Variants in NCOR2 observed in about 807,000 individuals in gnomAD.
NCOR2 encodes the protein CTG repeat protein 26.
A neutral mutation model predicts 262.9 loss-of-function variants in NCOR2; 81 were observed. The observed-to-expected ratio is 0.31, with a 90% CI of 0.26 to 0.37. NCOR2 has a LOEUF of 0.37. Among genes scored for constraint, NCOR2 ranks in the 10% least tolerant of loss-of-function variants. NCOR2 has a pLI of 1.00. For synonymous variants in NCOR2, 1,659 were observed against 1,559.3 expected, an observed-to-expected ratio of 1.06 and a Z score of -1.51; for missense variants, 3,385 against 3,621.4, an observed-to-expected ratio of 0.93 and a Z score of 1.68.
At chr12:124,433,871 C>CAAACACAA in intron 8 of NCOR2, among the ~76,000 whole-genome samples, 1 of 28,244 alleles carries the variant, frequency 3.5e-5, no homozygotes. Flanking sequence ...CACACACACA[C>CAAACACAA]ACACACACAC....
At chr12:124,512,923 C>T (rs2049490095) in intron 1 of NCOR2, among the ~76,000 whole-genome samples, 1 of 152,202 alleles carries the variant, frequency 6.6e-6, no homozygotes, top group Non-Finnish European at 1.5e-5. Context: ...AGCAGCTCAT[C>T]GAGGGGGACC....
At chr12:124,360,600 C>T (rs1425417267) in intron 22 of NCOR2, among the ~76,000 whole-genome samples, 2 of 152,228 alleles carry the variant, frequency 1.3e-5, no homozygotes, top group Non-Finnish European at 2.9e-5. Context: ...AATCCACTGC[C>T]CGCTGTGGCC....
rs2227277 is a variant in NCOR2, at chr12:124,336,870, C to T, written c.5998G>A (p.Ala2000Thr). The T allele has an allele frequency of 0.046, 73,416 of 1,610,376 alleles. 2,177 individuals carry two copies. Among genetic ancestry groups the T allele is most frequent in the South Asian group, 0.12 (11,271 of 90,874 alleles). ...GGGTCCGGGCTGGCGTGGTGAGGTG[C>T]GAGGTTCTTCGCAGGGGTGCGGGCG... The change falls in exon 38 of 47, where the codon GCA (alanine) becomes ACA (threonine). Residue 2000 changes from alanine to threonine, a missense_variant. Transcript: ENST00000405201.
At chr12:124,422,362 G>T in intron 12 of NCOR2, 139 bp downstream of exon 14, 2 of 938,946 alleles carry the variant, frequency 2.1e-6, no homozygotes. Flanking sequence ...GAGGGAGGGA[G>T]GAGGGGAGCA....
rs1488857438 is a variant in NCOR2, at chr12:124,350,581, A to G, written c.3844+6T>C. ...GTCCTGGGCCTCCTCTCCTCCTGCG[A>G]CTCACCCTCATAGGACAAGACGTGG... On this transcript the variant is annotated splice_donor_region_variant and intron_variant, in intron 28 of 46. Transcript: ENST00000405201. 6.2e-7 allele frequency: 1 copy of G among 1,610,916 alleles called. No individual in the cohort carries two copies. Among genetic ancestry groups the G allele is most frequent in the East Asian group, 2.2e-5 (1 of 44,762 alleles).
In NCOR2 at chr12:124,504,803, C is replaced by A. The variant is rs1039112146; in HGVS notation, c.-117-9435G>T. 6.6e-6 allele frequency among the ~76,000 whole-genome samples: 1 copy of A among 152,138 alleles called. No homozygotes were observed. The highest frequency in any genetic ancestry group is 2.4e-5 in the African/African-American group (1 of 41,416). ...CAGAAAGGCCACGCACTGCATGATT[C>A]CATTAACTTCACAGGAGGGGCAGAT... On this transcript the variant is annotated intron_variant, in intron 1 of 46. Coordinates refer to the NCOR2 transcript ENST00000404621. This position sits in a 1 kb window ranked among gnomAD's most constrained non-coding sequence, Gnocchi z 4.5.
chr12:124,327,397 T>C lies in NCOR2; in HGVS notation c.7183+12A>G. ...GGGACAGACGGGGGCGGGGCGGGGGTGGCCTGCAGACCTGGCGAGGTGAGT... is the reference window on the plus strand; with the variant it reads ...GGGACAGACGGGGGCGGGGCGGGGGCGGCCTGCAGACCTGGCGAGGTGAGT... On this transcript the variant is annotated intron_variant, in intron 45 of 46. Transcript: ENST00000405201. 6.3e-7 allele frequency: 1 copy of C among 1,579,480 alleles called. No homozygotes were observed.
intron 1 of NCOR2, among the ~76,000 whole-genome samples, chr12:124,553,016 G>C (rs769779045): frequency 1.3e-5 from 2 of 152,160 alleles, no homozygotes; most frequent in Non-Finnish European, 2.9e-5. Flanking sequence ...CAGTTTTGGA[G>C]ATCCAAGGTC....
intron 1 of NCOR2, among the ~76,000 whole-genome samples, chr12:124,488,504 C>T (rs967078576): frequency 2.0e-5 from 3 of 152,212 alleles, no homozygotes; most frequent in African/African-American, 7.2e-5. Flanking sequence ...CTGAGGGATT[C>T]CCCCAAGGCT....
Position 124,409,975 on chromosome 12 carries a change from G to A in NCOR2, c.1483-7414C>T, listed in dbSNP as rs59279614. Among the ~76,000 whole-genome samples, 54 of 151,744 alleles carry A rather than the reference G, an allele frequency of 3.6e-4. No homozygotes were observed. The East Asian group carries it at 9.9e-3, about 28-fold the overall frequency. On this transcript the variant is annotated intron_variant, in intron 13 of 46. Coordinates refer to ENST00000405201, the Ensembl canonical transcript of NCOR2. The stretch of plus-strand genomic sequence containing the variant: ...ATTACAGGCATGAGCCACCGCACCG[G>A]GGTGACCTTGTTTGTCTTGTCCACG...
chr12:124,422,419 G>A (rs981370513), intron 12 of NCOR2, 82 bp downstream of exon 14: 2 of 1,541,972 alleles, frequency 1.3e-6, no homozygotes, highest in Admixed American at 1.7e-5. Flanking sequence ...TTGTGGGCAA[G>A]GAGGGAGGGC....
At chr12:124,433,471 C>T (rs1191429744) in intron 8 of NCOR2, among the ~76,000 whole-genome samples, 2 of 152,224 alleles carry the variant, frequency 1.3e-5, no homozygotes, top group Non-Finnish European at 2.9e-5. Context: ...ACATTGCCGG[C>T]AGGGCGCTGG....
intron 7 of NCOR2, among the ~76,000 whole-genome samples, chr12:124,444,978 T>C (rs944400866): frequency 1.3e-5 from 2 of 151,902 alleles, no homozygotes; most frequent in Non-Finnish European, 2.9e-5. Flanking sequence ...CTGCTAAGAG[T>C]AACCTGGGTT....
intron 16 of NCOR2, among the ~76,000 whole-genome samples, chr12:124,394,188 A>C (rs1338564920): frequency 6.6e-6 from 1 of 152,220 alleles, no homozygotes. Context: ...CTGAGTGCCT[A>C]CTGTATACCA....
intron 11 of NCOR2, among the ~76,000 whole-genome samples, chr12:124,425,722 AG>A (rs2043500033): frequency 6.6e-6 from 1 of 152,140 alleles, no homozygotes; most frequent in African/African-American, 2.4e-5. Context: ...TGCTCTGCAC[AG>A]CCCCCCTCCC....
chr12:124,489,837 C>CG (rs932603377), intron 1 of NCOR2, among the ~76,000 whole-genome samples: 4 of 151,914 alleles, frequency 2.6e-5, no homozygotes, highest in Non-Finnish European at 5.9e-5. Context: ...GGGCTAGATG[C>CG]GGGGGGATGT....
At chr12:124,512,460 G>A (rs556182989) in intron 1 of NCOR2, among the ~76,000 whole-genome samples, 3 of 152,050 alleles carry the variant, frequency 2.0e-5, no homozygotes, top group Non-Finnish European at 4.4e-5. Flanking sequence ...TTGGATTCAG[G>A]GCCCACCTGG....
chr12:124,334,701 C>T (rs1194318653), intron 40 of NCOR2, 84 bp from the exon 43 acceptor site: 3 of 702,200 alleles, frequency 4.3e-6, no homozygotes, highest in Non-Finnish European at 6.6e-6. Context: ...AGACGGAGCT[C>T]GGGGCAGAAT....
At chr12:124,396,184 G>A (rs933158508) in intron 16 of NCOR2, among the ~76,000 whole-genome samples, 6 of 152,112 alleles carry the variant, frequency 3.9e-5, no homozygotes, top group African/African-American at 9.7e-5. Context: ...GGGCTGGGGC[G>A]GGGCCCTGGG....
Sources: allele counts gnomAD v4.1 joint callset (sites outside exome capture counted in the v4.1 genomes callset), GRCh38; gene constraint gnomAD v4.1.1; non-coding constraint Gnocchi (gnomAD v3.1); transcripts MANE v1.5; gene names NCBI Gene and HGNC (gene_info 2026-07-23, HGNC 2026-07-21).